Variants in NUCB2 observed in about 807,000 individuals in gnomAD.
NUCB2 encodes the protein nucleobindin 2.
Under a neutral mutation model 57.9 loss-of-function variants are expected in NUCB2, and 48 were observed. The observed-to-expected ratio is 0.83, with a 90% CI of 0.66 to 1.05. The LOEUF (loss-of-function observed/expected upper bound fraction) is 1.05. Ranked by LOEUF, NUCB2 falls within the 50% of genes least tolerant of loss-of-function variation. The pLI is 0.00. For missense variants in NUCB2, 442 were observed against 476.2 expected (o/e 0.93, Z 0.67); for synonymous variants, 139 against 152.1 (o/e 0.91, Z 0.64).
intron 4 of NUCB2, among the ~76,000 whole-genome samples, chr11:17,296,596 T>C (rs1276828952): frequency 1.3e-5 from 2 of 152,182 alleles, no homozygotes; most frequent in Non-Finnish European, 2.9e-5. Context: ...TGGGAAGTTA[T>C]TCTTCCTAAT....
Position 17,330,282 on chromosome 11 carries a change from G to A in NUCB2, c.1158G>A (p.Lys386=), listed in dbSNP as rs765648958. The change falls in exon 12 of 14, where the codon AAG becomes AAA. Residue 386 remains lysine, a synonymous_variant. Coordinates refer to ENST00000529010, the MANE Select transcript of NUCB2 (RefSeq NM_005013.4). The surrounding 1 kb of genome is among the most constrained non-coding windows in gnomAD (Gnocchi z 4.3). The stretch of plus-strand genomic sequence containing the variant: ...AGCATGATCAACTGGAGGCTCAGAA[G>A]CTGGAATATCATCAGGTGGCATTTT... ...QRQHDQLEAQ[K]LEYHQVIQQM... 4 of 1,598,610 alleles carry A rather than the reference G, an allele frequency of 2.5e-6. No homozygotes were observed. Among genetic ancestry groups the A allele is most frequent in the Non-Finnish European group, 3.4e-6 (4 of 1,176,168 alleles).
intron 2 of NUCB2, among the ~76,000 whole-genome samples, chr11:17,293,461 T>C (rs1044157329): frequency 2.6e-4 from 39 of 152,134 alleles, no homozygotes; most frequent in Non-Finnish European, 1.6e-4. Flanking sequence ...TAAAATGATA[T>C]AGCTGCTTTA....
chr11:17,347,649 T>A (rs1327302348), intron 2 of NUCB2, among the ~76,000 whole-genome samples: 8 of 152,238 alleles, frequency 5.3e-5, no homozygotes, highest in Non-Finnish European at 5.9e-5. Flanking sequence ...ACCAACTGTC[T>A]CAATACTGTC....
intron 11 of NUCB2, among the ~76,000 whole-genome samples, chr11:17,320,889 C>T (rs1949931287): frequency 6.6e-6 from 1 of 151,930 alleles, no homozygotes; most frequent in Non-Finnish European, 1.5e-5. Context: ...TAACACATTT[C>T]CAGAAATTGA....
chr11:17,324,937 G>A (rs1360523811), intron 11 of NUCB2, among the ~76,000 whole-genome samples: 2 of 151,982 alleles, frequency 1.3e-5, no homozygotes, highest in Admixed American at 6.6e-5. Context: ...GAGTAGCTGG[G>A]ATTACAGATG....
At chr11:17,306,526 A>T (rs755469085) in intron 5 of NUCB2, among the ~76,000 whole-genome samples, 2 of 152,186 alleles carry the variant, frequency 1.3e-5, no homozygotes, top group Non-Finnish European at 2.9e-5. Flanking sequence ...CAGGCCTAAG[A>T]TGTGTGGAGA....
intron 2 of NUCB2, chr11:17,286,543 C>G (rs578205418): frequency 6.6e-6 from 1 of 152,330 alleles, no homozygotes; most frequent in African/African-American, 2.4e-5. Context: ...GAATTTCACA[C>G]CATCCTACTT....
intron 10 of NUCB2, among the ~76,000 whole-genome samples, chr11:17,313,162 T>A (rs1397087372): frequency 6.6e-6 from 1 of 152,030 alleles, no homozygotes; most frequent in East Asian, 1.9e-4. Context: ...ATGCCTTTAG[T>A]ATGAATAAAA....
intron 11 of NUCB2, among the ~76,000 whole-genome samples, chr11:17,321,198 T>C (rs1227044850): frequency 7.0e-6 from 1 of 142,012 alleles, no homozygotes; most frequent in Non-Finnish European, 1.6e-5. Flanking sequence ...GTTTTATTCA[T>C]TCTATTTTTT....
intron 10 of NUCB2, among the ~76,000 whole-genome samples, chr11:17,314,099 C>G (rs561346768): frequency 6.6e-6 from 1 of 152,154 alleles, no homozygotes; most frequent in South Asian, 2.1e-4. Flanking sequence ...CATCTAGTTG[C>G]TCAGGCTAAG....
intron 4 of NUCB2, 112 bp from the exon 5 acceptor site, chr11:17,301,632 A>G (rs192633311): frequency 1.6e-6 from 1 of 642,210 alleles, no homozygotes; most frequent in East Asian, 3.0e-5. Flanking sequence ...AATTTATCTA[A>G]ATTAGTCAAA....
At chr11:17,337,799 A>T (rs576036873) in intron 2 of NUCB2, among the ~76,000 whole-genome samples, 1 of 151,900 alleles carries the variant, frequency 6.6e-6, no homozygotes, top group South Asian at 2.1e-4. Context: ...ACATCTGGCT[A>T]ATTTTTTATA....
intron 11 of NUCB2, among the ~76,000 whole-genome samples, chr11:17,319,389 A>G (rs1385761025): frequency 1.3e-5 from 2 of 152,150 alleles, no homozygotes; most frequent in African/African-American, 2.4e-5. Context: ...CAGGATGTTC[A>G]AGGCTTACCT....
chr11:17,296,234 T>C (rs1218601675), intron 4 of NUCB2, 23 bp downstream of exon 4: 3 of 1,392,842 alleles, frequency 2.2e-6, no homozygotes, highest in Non-Finnish European at 2.0e-6. Flanking sequence ...CAATAATATA[T>C]ACATATATGT....
At chr11:17,285,564 G>C (rs534939207) in intron 2 of NUCB2, among the ~76,000 whole-genome samples, 1 of 144,712 alleles carries the variant, frequency 6.9e-6, no homozygotes, top group Non-Finnish European at 1.5e-5. Context: ...GCAACAGAGC[G>C]AGACACTGTC....
intron 2 of NUCB2, among the ~76,000 whole-genome samples, chr11:17,286,446 C>G (rs541741578): frequency 4.1e-4 from 62 of 152,306 alleles, no homozygotes; most frequent in Admixed American, 1.1e-3. Context: ...AGCTTAAGAA[C>G]TCTGCTTACT....
intron 11 of NUCB2, among the ~76,000 whole-genome samples, chr11:17,322,861 T>A (rs763824665): frequency 1.3e-5 from 2 of 152,312 alleles, no homozygotes; most frequent in Non-Finnish European, 2.9e-5. Context: ...GATTACTTTT[T>A]AAATTTCTTT....
chr11:17,346,494 T>C (rs982041409), intron 2 of NUCB2, among the ~76,000 whole-genome samples: 6 of 152,336 alleles, frequency 3.9e-5, no homozygotes, highest in Non-Finnish European at 8.8e-5. Context: ...AGAGCATTTA[T>C]AGCCACACTC....
intron 10 of NUCB2, 52 bp downstream of exon 10, chr11:17,312,172 C>A (rs778758550): frequency 1.3e-5 from 12 of 925,746 alleles, no homozygotes; most frequent in Middle Eastern, 2.6e-4. Flanking sequence ...TTATTTAATT[C>A]TTGCAATAAA....
Sources: allele counts gnomAD v4.1 joint callset (sites outside exome capture counted in the v4.1 genomes callset), GRCh38; gene constraint gnomAD v4.1.1; non-coding constraint Gnocchi (gnomAD v3.1); transcripts MANE v1.5; gene names NCBI Gene and HGNC (gene_info 2026-07-23, HGNC 2026-07-21).